Variants in PCDHA11 observed in about 807,000 individuals in gnomAD.
PCDHA11 encodes protocadherin alpha 11.
A neutral mutation model predicts 70.3 loss-of-function variants in PCDHA11; 61 were observed. The observed-to-expected ratio is 0.87, with a 90% CI of 0.71 to 1.07. The LOEUF is 1.07. Among genes scored for constraint, PCDHA11 ranks in the 50% least tolerant of loss-of-function variants. The pLI is 0.00. For missense variants in PCDHA11, 1,324 were observed against 1,237.5 expected (o/e 1.07, Z -1.05); for synonymous variants, 633 against 555.1 (o/e 1.14, Z -1.97).
intron 1 of PCDHA11, among the ~76,000 whole-genome samples, chr5:140,972,732 C>T (rs2096552874): frequency 1.3e-5 from 2 of 149,646 alleles, no homozygotes; most frequent in Non-Finnish European, 3.0e-5. Flanking sequence ...GGCGTAATCC[C>T]GGCTCACTGC....
chr5:140,898,358 A>T (rs2153460143), intron 1 of PCDHA11, among the ~76,000 whole-genome samples: 1 of 152,260 alleles, frequency 6.6e-6, no homozygotes, highest in Non-Finnish European at 1.5e-5. Flanking sequence ...TCTTGAATTA[A>T]TTTTTGTATA....
rs545893416 is a variant in PCDHA11, at chr5:140,934,382, A to G, written c.2392-44567A>G. On this transcript the variant is annotated intron_variant, in intron 1 of 3. Transcript: ENST00000398640. ...CTGCTTTGACTCCTTCTGTGGTTCT[A>G]TGGTGGCCAGCTTTACCCACCAATG... Among the ~76,000 whole-genome samples the G allele has an allele frequency of 2.0e-3, 310 of 152,264 alleles. 8 individuals are homozygous for G. Among genetic ancestry groups the G allele is most frequent in the South Asian group, 3.9e-3 (19 of 4,830 alleles).
rs1554262827 is a variant in PCDHA11 at position 141,010,253 on chromosome 5, C to A, written c.*316C>A. The A allele has an allele frequency of 3.2e-6, 5 of 1,551,834 alleles. No homozygotes were observed. The highest frequency in any genetic ancestry group is 1.7e-4 in the Middle Eastern group (1 of 5,990). On this transcript the variant is annotated 3_prime_UTR_variant, in exon 4 of 4. Transcript: ENST00000398640. ...CGCCAGTGAGAGGTTGGACTCTCTG[C>A]CCTGTGCTCCGGGGATCCTGTCTTG...
intron 1 of PCDHA11, among the ~76,000 whole-genome samples, chr5:140,976,011 CTAAA>C (rs2096695708): frequency 6.6e-6 from 1 of 152,110 alleles, no homozygotes; most frequent in African/African-American, 2.4e-5. Context: ...TATTAAAGAA[CTAAA>C]TAATCACAGT....
At chr5:140,927,040 A>G in intron 1 of PCDHA11, 1 of 1,612,350 alleles carries the variant, frequency 6.2e-7, no homozygotes, top group Non-Finnish European at 8.5e-7. Context: ...AGCGGCCGCT[A>G]TGTCCTCGCG....
At chr5:140,881,323 T>C in intron 1 of PCDHA11, 1 of 984,214 alleles carries the variant, frequency 1.0e-6, no homozygotes, top group South Asian at 4.7e-5. Flanking sequence ...AAATTCTATT[T>C]AACCAGGACG....
chr5:140,905,248 C>T (rs143714633), intron 1 of PCDHA11, among the ~76,000 whole-genome samples: 1,610 of 152,202 alleles, frequency 0.011, 17 homozygotes, highest in African/African-American at 0.028. Flanking sequence ...TTCATTCTTC[C>T]ACATGAGGCT....
intron 3 of PCDHA11, among the ~76,000 whole-genome samples, chr5:141,006,287 C>A (rs1407881243): frequency 6.6e-6 from 1 of 152,060 alleles, no homozygotes; most frequent in African/African-American, 2.4e-5. Flanking sequence ...TCTCAGCTCA[C>A]TGCAAGCTCC....
chr5:140,904,873 G>C (rs1309196167), intron 1 of PCDHA11, among the ~76,000 whole-genome samples: 1 of 151,932 alleles, frequency 6.6e-6, no homozygotes, highest in Non-Finnish European at 1.5e-5. Flanking sequence ...TATGTCCTTA[G>C]CTCACTTTTT....
intron 1 of PCDHA11, chr5:140,877,279 T>G (rs782432213): frequency 1.2e-6 from 2 of 1,613,820 alleles, no homozygotes; most frequent in Non-Finnish European, 1.7e-6. Flanking sequence ...TGACTCCGGC[T>G]ATAACGCTTG....
intron 1 of PCDHA11, among the ~76,000 whole-genome samples, chr5:140,919,543 T>C (rs2079190617): frequency 6.6e-6 from 1 of 152,200 alleles, no homozygotes; most frequent in Non-Finnish European, 1.5e-5. Context: ...ATACTTTTCA[T>C]TTACTGATTT....
chr5:140,912,113 A>C (rs1477558453), intron 1 of PCDHA11, among the ~76,000 whole-genome samples: 3 of 152,182 alleles, frequency 2.0e-5, no homozygotes, highest in African/African-American at 7.2e-5. Flanking sequence ...GTAGGCTGGG[A>C]GGCTAAGTCA....
intron 2 of PCDHA11, among the ~76,000 whole-genome samples, chr5:140,980,478 A>G (rs1186753725): frequency 2.6e-5 from 4 of 152,172 alleles, no homozygotes; most frequent in African/African-American, 4.8e-5. Context: ...AAAAATACAA[A>G]AATTAGCTGG....
chr5:140,902,171 A>T, intron 1 of PCDHA11, among the ~76,000 whole-genome samples: 1 of 144,502 alleles, frequency 6.9e-6, no homozygotes, highest in Non-Finnish European at 1.5e-5. Flanking sequence ...TCTAATTTGG[A>T]TGTCCTTTAT....
intron 1 of PCDHA11, among the ~76,000 whole-genome samples, chr5:140,923,753 TG>T (rs1217230498): frequency 6.6e-6 from 1 of 152,174 alleles, no homozygotes; most frequent in Non-Finnish European, 1.5e-5. Context: ...AGGCATATGG[TG>T]GGACAAATCC....
chr5:140,995,401 G>A (rs576317630), intron 3 of PCDHA11, among the ~76,000 whole-genome samples: 7 of 152,238 alleles, frequency 4.6e-5, no homozygotes, highest in African/African-American at 1.4e-4. Context: ...GGGATGGCTC[G>A]AGATTTCATC....
At chr5:140,943,326 G>A (rs1407826029) in intron 1 of PCDHA11, among the ~76,000 whole-genome samples, 10 of 149,948 alleles carry the variant, frequency 6.7e-5, no homozygotes, top group African/African-American at 2.5e-4. Flanking sequence ...ATATTGTGTA[G>A]TATCCATTGG....
At chr5:140,987,011 C>G (rs1266225593) in intron 3 of PCDHA11, among the ~76,000 whole-genome samples, 1 of 151,990 alleles carries the variant, frequency 6.6e-6, no homozygotes, top group African/African-American at 2.4e-5. Context: ...GTCATGAGTT[C>G]GAGACCAGCC....
chr5:140,875,668 G>A lies in PCDHA11; in HGVS notation c.2391+4174G>A, dbSNP rs1554167843. On this transcript the variant is annotated intron_variant, in intron 1 of 3. Transcript: ENST00000398640. ...GGAGCTGGTGCCGCGCCTGTTCCGG[G>A]TGGCGTCCAAAAGACACGGGGACCT... 4.3e-6 allele frequency: 7 copies of A among 1,613,726 alleles called. No homozygotes were observed. The highest frequency in any genetic ancestry group is 3.3e-5 in the South Asian group (3 of 91,074).
Sources: allele counts gnomAD v4.1 joint callset (sites outside exome capture counted in the v4.1 genomes callset), GRCh38; gene constraint gnomAD v4.1.1; transcripts MANE v1.5; gene names NCBI Gene and HGNC (gene_info 2026-07-23, HGNC 2026-07-21).